The following USH2A variants were observed in gnomAD, a reference collection of about 807,000 sequenced individuals.
USH2A encodes the protein usherin, also known as Usher syndrome 2A (autosomal recessive, mild).
Under a neutral mutation model 538.9 loss-of-function variants are expected in USH2A, and 443 were observed. The observed-to-expected ratio is 0.82, with a 90% confidence interval of 0.76 to 0.89. USH2A has a LOEUF of 0.89. USH2A is among the 40% of genes least tolerant of loss of function. USH2A has a pLI of 0.00. For synonymous variants in USH2A, 2,413 were observed against 2,273.5 expected (o/e 1.06, Z -1.75); for missense variants, 6,633 against 6,324.8 (o/e 1.05, Z -1.65).
intron 44 of USH2A, 26 bp from the exon 45 acceptor site, chr1:215,846,059 G>A (rs749216511): frequency 1.9e-6 from 3 of 1,607,974 alleles, no homozygotes; most frequent in Non-Finnish European, 2.6e-6. Flanking sequence ...GCAGGACATG[G>A]TGAATGTAGC....
intron 56 of USH2A, among the ~76,000 whole-genome samples, chr1:215,762,015 T>A (rs1248993011): frequency 6.6e-6 from 1 of 152,160 alleles, no homozygotes; most frequent in Admixed American, 6.6e-5. Flanking sequence ...TTTAGCAGCA[T>A]CCTGAAAGAA....
At chr1:215,646,688 G>A (rs1420625051) in intron 67 of USH2A, among the ~76,000 whole-genome samples, 1 of 152,008 alleles carries the variant, frequency 6.6e-6, no homozygotes. Flanking sequence ...CACCATGCCT[G>A]GCTAATTTTT....
intron 21 of USH2A, among the ~76,000 whole-genome samples, chr1:216,165,693 A>T (rs1283255726): frequency 2.0e-5 from 3 of 152,140 alleles, no homozygotes; most frequent in African/African-American, 7.2e-5. Flanking sequence ...TTAGTTAATA[A>T]ATATTTATTG....
chr1:215,783,235 A>G (rs1281597862), intron 52 of USH2A, among the ~76,000 whole-genome samples: 1 of 152,208 alleles, frequency 6.6e-6, no homozygotes, highest in Non-Finnish European at 1.5e-5. Context: ...AATAAGATTT[A>G]GTGCTTCACA....
chr1:216,002,022 A>T (rs543634634), intron 32 of USH2A, among the ~76,000 whole-genome samples: 2 of 152,280 alleles, frequency 1.3e-5, no homozygotes, highest in East Asian at 3.9e-4. Flanking sequence ...TACTTCAAGG[A>T]CACTTTGAAG....
At chr1:215,669,773 CTTA>C (rs1353553770) in intron 64 of USH2A, among the ~76,000 whole-genome samples, 1 of 152,116 alleles carries the variant, frequency 6.6e-6, no homozygotes, top group Non-Finnish European at 1.5e-5. Context: ...ATTTTTAAAT[CTTA>C]TTAATTCGGT....
chr1:216,090,251 G>T (rs945767413), intron 22 of USH2A, among the ~76,000 whole-genome samples: 5 of 151,678 alleles, frequency 3.3e-5, no homozygotes, highest in African/African-American at 1.2e-4. Context: ...TGGTGCTGAA[G>T]ATGTATATTG....
chr1:215,644,969 A>G (rs1258834437), intron 67 of USH2A, among the ~76,000 whole-genome samples: 1 of 152,212 alleles, frequency 6.6e-6, no homozygotes, highest in Non-Finnish European at 1.5e-5. Context: ...ATGGTGAGTA[A>G]TGAAGTGGAT....
At chr1:216,247,321 A>T (rs1412151895) in intron 12 of USH2A, 95 bp from the exon 13 acceptor site, 2 of 1,481,496 alleles carry the variant, frequency 1.3e-6, no homozygotes, top group Non-Finnish European at 1.9e-6. Flanking sequence ...TGATACGAAC[A>T]CAAAATATTG....
intron 21 of USH2A, among the ~76,000 whole-genome samples, chr1:216,161,367 C>T (rs1392511837): frequency 2.0e-5 from 3 of 151,936 alleles, no homozygotes; most frequent in African/African-American, 7.2e-5. Flanking sequence ...TGGTTGTTAC[C>T]TTTGGCATCA....
At chr1:215,639,596 G>T (rs1295533225) in intron 68 of USH2A, among the ~76,000 whole-genome samples, 1 of 152,180 alleles carries the variant, frequency 6.6e-6, no homozygotes, top group African/African-American at 2.4e-5. Flanking sequence ...ATGACCTAGA[G>T]TTTCTTACTG....
chr1:215,885,203 GC>G (rs1207416283), intron 41 of USH2A, among the ~76,000 whole-genome samples: 6 of 151,068 alleles, frequency 4.0e-5, no homozygotes, highest in Admixed American at 3.3e-4. Flanking sequence ...TTAATTGTAT[GC>G]CTTTTTTTCT....
At chr1:215,763,354 GA>G (rs1470463423) in intron 56 of USH2A, among the ~76,000 whole-genome samples, 1 of 152,172 alleles carries the variant, frequency 6.6e-6, no homozygotes, top group Non-Finnish European at 1.5e-5. Flanking sequence ...GAGAAGTGGA[GA>G]TGGGTAGGAA....
chr1:215,740,326 A>G (rs1660266877), intron 60 of USH2A, among the ~76,000 whole-genome samples: 1 of 152,180 alleles, frequency 6.6e-6, no homozygotes, highest in South Asian at 2.1e-4. Flanking sequence ...CCTTCAAACC[A>G]AAATGTTCAT....
intron 52 of USH2A, among the ~76,000 whole-genome samples, chr1:215,786,442 A>G (rs1378664464): frequency 6.6e-6 from 1 of 152,224 alleles, no homozygotes; most frequent in Non-Finnish European, 1.5e-5. Context: ...TTACCTTAAT[A>G]TGGAATACAA....
At chr1:216,324,091 G>A in intron 7 of USH2A, 77 bp downstream of exon 7, 1 of 1,500,780 alleles carries the variant, frequency 6.7e-7, no homozygotes, top group Non-Finnish European at 9.1e-7. Context: ...GTCTCCACCA[G>A]CCTAGAGAGC....
At chr1:216,254,030 C>T (rs2036213428) in intron 11 of USH2A, among the ~76,000 whole-genome samples, 1 of 152,010 alleles carries the variant, frequency 6.6e-6, no homozygotes, top group Non-Finnish European at 1.5e-5. Flanking sequence ...ATAATATTGC[C>T]TTGATTCTTG....
intron 36 of USH2A, among the ~76,000 whole-genome samples, chr1:215,966,184 A>G (rs1418419753): frequency 6.6e-6 from 1 of 152,192 alleles, no homozygotes; most frequent in East Asian, 1.9e-4. Context: ...AAAGACTCTG[A>G]AATAAAATGC....
Position 216,026,327 on chromosome 1 carries a change from T to C in USH2A, c.6325+20104A>G, listed in dbSNP as rs73092697. Among the ~76,000 whole-genome samples, 374 of 152,318 alleles carry C rather than the reference T, an allele frequency of 2.5e-3. 1 individual carries two copies. The highest frequency in any genetic ancestry group is 8.2e-3 in the African/African-American group (343 of 41,580). On this transcript the variant is annotated intron_variant, in intron 32 of 71. Transcript: ENST00000307340. ...TAAAATAATTGATCAATTTTTTTACTTTAATATAATCAAAACATGTATTTG... is the reference window on the plus strand; with the variant it reads ...TAAAATAATTGATCAATTTTTTTACCTTAATATAATCAAAACATGTATTTG...
Sources: allele counts gnomAD v4.1 joint callset (sites outside exome capture counted in the v4.1 genomes callset), GRCh38; gene constraint gnomAD v4.1.1; transcripts MANE v1.5; gene names NCBI Gene and HGNC (gene_info 2026-07-23, HGNC 2026-07-21).